Variants in SLC24A3 observed in about 807,000 individuals in gnomAD.
SLC24A3 encodes the protein solute carrier family 24 member 3.
In SLC24A3, 28 loss-of-function variants were observed where a neutral mutation model predicts 75.8. The ratio of observed to expected loss-of-function variants is 0.37; its 90% CI spans 0.27 to 0.51. The LOEUF (loss-of-function observed/expected upper bound fraction) is 0.51. Ranked by LOEUF, SLC24A3 falls within the 20% of genes least tolerant of loss-of-function variation. The pLI is 0.94. For synonymous variants in SLC24A3, 372 were observed against 334.1 expected (o/e 1.11, Z -1.24); for missense variants, 663 against 847.8 (o/e 0.78, Z 2.71).
At chr20:19,295,369 G>A (rs575364415) in intron 2 of SLC24A3, among the ~76,000 whole-genome samples, 1 of 152,252 alleles carries the variant, frequency 6.6e-6, no homozygotes, top group Non-Finnish European at 1.5e-5. Flanking sequence ...TCTTTGCCCT[G>A]GCCAGAACTT....
chr20:19,236,838 A>G (rs1982183958), intron 1 of SLC24A3, among the ~76,000 whole-genome samples: 1 of 152,186 alleles, frequency 6.6e-6, no homozygotes, highest in Non-Finnish European at 1.5e-5. Context: ...GCTGTGGCAG[A>G]AACCCACAGA....
chr20:19,349,522 C>T (rs1170619135), intron 2 of SLC24A3, among the ~76,000 whole-genome samples: 1 of 152,158 alleles, frequency 6.6e-6, no homozygotes, highest in African/African-American at 2.4e-5. Context: ...CCAGAAGTTC[C>T]AGGAGAATGA....
At chr20:19,276,100 A>G (rs1225605362) in intron 1 of SLC24A3, among the ~76,000 whole-genome samples, 3 of 152,206 alleles carry the variant, frequency 2.0e-5, no homozygotes, top group Non-Finnish European at 4.4e-5. Context: ...AGGGGAGAGC[A>G]GGGAGGATAG....
chr20:19,382,956 G>A (rs1391140684), intron 2 of SLC24A3, among the ~76,000 whole-genome samples: 16 of 152,164 alleles, frequency 1.1e-4, no homozygotes, highest in Admixed American at 9.2e-4. Context: ...CTGCCAAAAC[G>A]TATTTTCCAT....
intron 8 of SLC24A3, among the ~76,000 whole-genome samples, chr20:19,669,846 C>T (rs560156000): frequency 6.6e-4 from 100 of 152,066 alleles, no homozygotes; most frequent in Non-Finnish European, 2.6e-4. Flanking sequence ...GAGAAGGAAC[C>T]GTCTTTGGTG....
At chr20:19,593,352 C>A (rs2031405809) in intron 6 of SLC24A3, among the ~76,000 whole-genome samples, 1 of 152,138 alleles carries the variant, frequency 6.6e-6, no homozygotes, top group Non-Finnish European at 1.5e-5. Context: ...CATCCAGGCC[C>A]CTCTGCCCCG....
intron 2 of SLC24A3, among the ~76,000 whole-genome samples, chr20:19,391,403 G>A (rs1313689023): frequency 6.6e-6 from 1 of 152,098 alleles, no homozygotes; most frequent in Admixed American, 6.5e-5. Flanking sequence ...CTGGTCTGAG[G>A]GTAGGCTTTT....
intron 15 of SLC24A3, among the ~76,000 whole-genome samples, chr20:19,701,698 C>T (rs1388697003): frequency 6.6e-6 from 1 of 152,164 alleles, no homozygotes; most frequent in Non-Finnish European, 1.5e-5. Flanking sequence ...CAGCTTGTTT[C>T]ACTTCCCCAT....
At chr20:19,338,925 CT>C (rs984025344) in intron 2 of SLC24A3, among the ~76,000 whole-genome samples, 1 of 152,122 alleles carries the variant, frequency 6.6e-6, no homozygotes, top group Non-Finnish European at 1.5e-5. Context: ...TCTCTATTAC[CT>C]TTTTTTAAGG....
chr20:19,594,571 G>A (rs530867609), intron 6 of SLC24A3, among the ~76,000 whole-genome samples: 8 of 152,340 alleles, frequency 5.3e-5, no homozygotes, highest in African/African-American at 1.9e-4. Context: ...AGCCTACTAT[G>A]TGCCAGGCAC....
chr20:19,650,285 A>T (rs2032187301), intron 6 of SLC24A3, among the ~76,000 whole-genome samples: 1 of 152,242 alleles, frequency 6.6e-6, no homozygotes, highest in South Asian at 2.1e-4. Context: ...GGATATCACT[A>T]TCCACCCACA....
intron 2 of SLC24A3, among the ~76,000 whole-genome samples, chr20:19,321,857 A>C (rs1181990567): frequency 6.6e-6 from 1 of 152,174 alleles, no homozygotes; most frequent in Non-Finnish European, 1.5e-5. Context: ...GAATCTAGCC[A>C]AGGTTCCCAC....
At chr20:19,513,890 C>T (rs1328952935) in intron 2 of SLC24A3, among the ~76,000 whole-genome samples, 1 of 152,030 alleles carries the variant, frequency 6.6e-6, no homozygotes, top group East Asian at 1.9e-4. Flanking sequence ...ACATAGTTAT[C>T]ATTTATGTGT....
At chr20:19,326,309 G>A (rs1484668418) in intron 2 of SLC24A3, among the ~76,000 whole-genome samples, 3 of 152,090 alleles carry the variant, frequency 2.0e-5, no homozygotes, top group Non-Finnish European at 4.4e-5. Context: ...CTGCCCAAGG[G>A]AGCAAAGGAG....
chr20:19,452,437 G>C (rs1272683023), intron 2 of SLC24A3, among the ~76,000 whole-genome samples: 1 of 143,948 alleles, frequency 6.9e-6, no homozygotes, highest in Non-Finnish European at 1.5e-5. Context: ...GGGGAAGTAA[G>C]GTGGTGGGGA....
At chr20:19,690,871 A>G (rs2032736697) in intron 12 of SLC24A3, among the ~76,000 whole-genome samples, 1 of 151,938 alleles carries the variant, frequency 6.6e-6, no homozygotes, top group Non-Finnish European at 1.5e-5. Context: ...TTTTCTTACT[A>G]TTTTTTTTGT....
At chr20:19,363,560 C>T (rs921139936) in intron 2 of SLC24A3, among the ~76,000 whole-genome samples, 2 of 152,184 alleles carry the variant, frequency 1.3e-5, no homozygotes, top group Non-Finnish European at 1.5e-5. Flanking sequence ...CAGCATGTGT[C>T]TGCTGGGGAT....
intron 2 of SLC24A3, among the ~76,000 whole-genome samples, chr20:19,508,026 T>C (rs547172352): frequency 2.6e-5 from 4 of 152,264 alleles, no homozygotes; most frequent in African/African-American, 9.6e-5. Context: ...AGAAAATGCC[T>C]ACAGTGTGGT....
intron 12 of SLC24A3, 38 bp from the exon 13 acceptor site, chr20:19,693,221 T>A (rs927640255): frequency 1.3e-6 from 2 of 1,561,008 alleles, no homozygotes; most frequent in South Asian, 2.4e-5. Flanking sequence ...CTTTGTTATT[T>A]TTTTTTTATT....
Sources: gnomAD v4.1 joint callset for allele counts (sites outside exome capture counted in the v4.1 genomes callset) on GRCh38, gnomAD v4.1.1 for gene constraint, MANE v1.5 for transcripts, NCBI Gene and HGNC (gene_info 2026-07-23, HGNC 2026-07-21) for gene names.